Variants in CCDC171 observed in about 807,000 individuals in gnomAD.
The protein encoded by CCDC171 is coiled-coil domain containing 171.
A neutral mutation model predicts 168.2 loss-of-function variants in CCDC171; 177 were observed. The observed-to-expected ratio is 1.05, with a 90% CI of 0.93 to 1.19. The LOEUF (loss-of-function observed/expected upper bound fraction) is 1.19, where lower values mean the gene tolerates loss of function less well. CCDC171 is among the 50% of genes most tolerant of loss of function. The pLI is 0.00. For synonymous variants in CCDC171, 687 were observed against 540.8 expected (o/e 1.27, Z -3.75); for missense variants, 1,991 against 1,539.0 (o/e 1.29, Z -4.91).
chr9:15,645,744 A>G (rs892118502), intron 7 of CCDC171, among the ~76,000 whole-genome samples: 2 of 152,218 alleles, frequency 1.3e-5, no homozygotes, highest in Non-Finnish European at 2.9e-5. Context: ...ATATGGGACT[A>G]TGTGAAAAGA....
chr9:15,640,429 A>G (rs1162625084), intron 7 of CCDC171, among the ~76,000 whole-genome samples: 2 of 152,174 alleles, frequency 1.3e-5, no homozygotes, highest in Admixed American at 6.5e-5. Flanking sequence ...ATGCCTTATT[A>G]AGATTTAAAA....
chr9:15,746,174 T>G (rs898787441), intron 18 of CCDC171, among the ~76,000 whole-genome samples: 2 of 152,232 alleles, frequency 1.3e-5, no homozygotes, highest in African/African-American at 4.8e-5. Flanking sequence ...TGATTCGGAT[T>G]GCATGATATT....
the CCDC171 span, among the ~76,000 whole-genome samples, chr9:16,086,152 G>T: frequency 3.9e-5 from 6 of 152,226 alleles, no homozygotes; most frequent in South Asian, 1.2e-3. Flanking sequence ...TCTATTCAGG[G>T]ATTCGACTTC....
the CCDC171 span, among the ~76,000 whole-genome samples, chr9:16,084,710 C>A: frequency 6.6e-6 from 1 of 152,178 alleles, no homozygotes; most frequent in Non-Finnish European, 1.5e-5. Flanking sequence ...CTGAGATAAA[C>A]TCTGTCAATT....
intron 11 of CCDC171, among the ~76,000 whole-genome samples, chr9:15,704,804 A>G (rs998838165): frequency 2.6e-5 from 4 of 152,104 alleles, no homozygotes; most frequent in African/African-American, 9.7e-5. Flanking sequence ...GAGAGGATTT[A>G]ACTTGATCTC....
At chr9:15,977,496 A>T (rs958581905), downstream of CCDC171, among the ~76,000 whole-genome samples, 1 of 152,200 alleles carries the variant, frequency 6.6e-6, no homozygotes, top group African/African-American at 2.4e-5. Context: ...ATGCTTAGGC[A>T]TATGTTTTTA....
intron 5 of CCDC171, among the ~76,000 whole-genome samples, chr9:15,592,273 A>G (rs2042057565): frequency 1.3e-5 from 2 of 151,980 alleles, no homozygotes; most frequent in Admixed American, 6.6e-5. Context: ...AGGCCACAGT[A>G]TACCATGATT....
At chr9:15,738,300 GA>G (rs966133843) in intron 16 of CCDC171, among the ~76,000 whole-genome samples, 6 of 152,234 alleles carry the variant, frequency 3.9e-5, no homozygotes, top group African/African-American at 1.4e-4. Context: ...ATTCATTAAG[GA>G]AAAAAGCTGT....
intron 3 of CCDC171, among the ~76,000 whole-genome samples, chr9:15,572,750 G>A (rs2040334552): frequency 6.6e-6 from 1 of 152,100 alleles, no homozygotes; most frequent in African/African-American, 2.4e-5. Context: ...ATGCTTTCCT[G>A]CTCTTCTTTA....
intron 6 of CCDC171, among the ~76,000 whole-genome samples, chr9:15,605,747 G>T (rs1026173821): frequency 2.0e-5 from 3 of 151,734 alleles, no homozygotes; most frequent in African/African-American, 4.8e-5. Context: ...AGAAAGTAAG[G>T]GTCTTGCCCC....
downstream of CCDC171, among the ~76,000 whole-genome samples, chr9:16,062,876 T>A (rs1170425921): frequency 6.6e-6 from 1 of 152,226 alleles, no homozygotes; most frequent in Non-Finnish European, 1.5e-5. Flanking sequence ...TTTTGCTTCC[T>A]TTCCAATTTG....
Position 15,950,620 on chromosome 9 carries a change from G to A in CCDC171, c.3754-20989G>A, listed in dbSNP as rs566062393. Reference sequence around the variant, plus strand: ...ACCTGCCCTAAAAGAGCTCCTGAAGGAAGCGCTAAACATGGAAAGGAACAA... The same window carrying A: ...ACCTGCCCTAAAAGAGCTCCTGAAGAAAGCGCTAAACATGGAAAGGAACAA... On this transcript the variant is annotated intron_variant, in intron 25 of 25. Transcript: ENST00000380701. Among the ~76,000 whole-genome samples, 9 of 151,976 alleles carry A rather than the reference G, an allele frequency of 5.9e-5. No individual in the cohort carries two copies. The South Asian group carries it at 1.7e-3, about 28-fold the overall frequency.
intron 25 of CCDC171, among the ~76,000 whole-genome samples, chr9:15,941,304 G>C (rs941703587): frequency 6.6e-6 from 1 of 151,944 alleles, no homozygotes; most frequent in African/African-American, 2.4e-5. Context: ...AATGGAGCTC[G>C]CCGGTAGCGA....
At chr9:15,814,654 C>T (rs1016403308) in intron 21 of CCDC171, among the ~76,000 whole-genome samples, 14 of 151,402 alleles carry the variant, frequency 9.2e-5, no homozygotes, top group African/African-American at 3.1e-4. Context: ...CTTACAATTG[C>T]GTATGAAACA....
At chr9:16,046,071 A>G (rs1833654684) in intron 1 of CCDC171, among the ~76,000 whole-genome samples, 1 of 152,226 alleles carries the variant, frequency 6.6e-6, no homozygotes, top group African/African-American at 2.4e-5. Context: ...GGTCACTCCC[A>G]TAGACACAGT....
rs2061706182 is a variant in CCDC171 at position 15,864,782 on chromosome 9, C to G, written c.3469-9750C>G. Among the ~76,000 whole-genome samples the G allele has an allele frequency of 2.6e-5, 4 of 151,946 alleles. No homozygotes were observed. In the South Asian group the frequency reaches 8.3e-4, roughly 31 times the overall value. ...AACCAAGTGCCTAATAGAGAGATAT[C>G]TCAGTTTACTGCAGCTAAGAGTAAA... On this transcript the variant is annotated intron_variant, in intron 23 of 25. Coordinates refer to ENST00000380701, the MANE Select transcript of CCDC171 (RefSeq NM_173550.4).
intron 18 of CCDC171, among the ~76,000 whole-genome samples, chr9:15,746,291 T>C (rs904708880): frequency 1.3e-5 from 2 of 152,246 alleles, no homozygotes; most frequent in African/African-American, 4.8e-5. Context: ...TTTAATGAAA[T>C]GTAAGCCTAT....
chr9:15,894,862 T>C (rs969821200), intron 24 of CCDC171, among the ~76,000 whole-genome samples: 10 of 152,156 alleles, frequency 6.6e-5, no homozygotes, highest in African/African-American at 2.4e-4. Context: ...TTGGCTGTTA[T>C]CTATTTGTCA....
At chr9:15,863,526 C>T (rs2061648531) in intron 23 of CCDC171, among the ~76,000 whole-genome samples, 1 of 151,914 alleles carries the variant, frequency 6.6e-6, no homozygotes, top group Non-Finnish European at 1.5e-5. Flanking sequence ...TACCCCCACC[C>T]CACCACCAAA....
Sources: allele counts gnomAD v4.1 joint callset (sites outside exome capture counted in the v4.1 genomes callset), GRCh38; gene constraint gnomAD v4.1.1; transcripts MANE v1.5; gene names NCBI Gene and HGNC (gene_info 2026-07-23, HGNC 2026-07-21).